PIK3R6: variants seen among roughly 807,000 people sequenced by gnomAD.
PIK3R6 encodes the protein phosphoinositide-3-kinase regulatory subunit 6.
PIK3R6 carries 91 observed loss-of-function variants against 84.9 expected under a neutral mutation model. The observed-to-expected ratio is 1.07, with a 90% confidence interval of 0.90 to 1.28. The LOEUF (loss-of-function observed/expected upper bound fraction) is 1.28, where lower values mean the gene tolerates loss of function less well. PIK3R6 is among the 50% of genes most tolerant of loss of function. The pLI is 0.00. For missense variants in PIK3R6, 996 were observed against 985.1 expected, an observed-to-expected ratio of 1.01 and a Z score of -0.15; for synonymous variants, 416 against 411.4, an observed-to-expected ratio of 1.01 and a Z score of -0.13.
chr17:8,864,317 C>T lies in PIK3R6; in HGVS notation c.-92+3212G>A, dbSNP rs549201719. On this transcript the variant is annotated intron_variant, in intron 1 of 19. Coordinates refer to ENST00000619866, the MANE Select transcript of PIK3R6 (RefSeq NM_001010855.4). ...GAGTCCATTTGGATTGGGCTCCTTGCGGCGCCCCTAGGACTTAGGGGAAAG... is the reference window on the plus strand; with the variant it reads ...GAGTCCATTTGGATTGGGCTCCTTGTGGCGCCCCTAGGACTTAGGGGAAAG... 5.3e-5 allele frequency among the ~76,000 whole-genome samples: 8 copies of T among 151,992 alleles called. No individual in the cohort carries two copies. In the East Asian group the frequency reaches 7.7e-4, roughly 15 times the overall value.
intron 18 of PIK3R6, among the ~76,000 whole-genome samples, chr17:8,805,193 G>A (rs572281229): frequency 7.9e-5 from 12 of 152,274 alleles, no homozygotes; most frequent in African/African-American, 2.6e-4. Context: ...CTCTAATCCC[G>A]GTTCTGCCAC....
At chr17:8,811,197 G>A (rs149745) in intron 18 of PIK3R6, among the ~76,000 whole-genome samples, 27,379 of 148,236 alleles carry the variant, frequency 0.18, 4,058 homozygotes, top group Middle Eastern at 0.23. Flanking sequence ...GCCATGGCCC[G>A]AGCTCTACAT....
intron 4 of PIK3R6, 94 bp downstream of exon 4, chr17:8,838,470 T>G (rs2088558148): frequency 9.6e-6 from 11 of 1,140,806 alleles, no homozygotes; most frequent in Non-Finnish European, 1.3e-5. Flanking sequence ...AACCAAAGCT[T>G]ATGAGATATA....
chr17:8,829,593 C>G (rs571561233), intron 10 of PIK3R6, 113 bp downstream of exon 10: 2 of 1,095,592 alleles, frequency 1.8e-6, no homozygotes, highest in Non-Finnish European at 1.3e-6. Flanking sequence ...CTGACACACA[C>G]TCATGCATAC....
chr17:8,854,093 G>A (rs908863492), intron 1 of PIK3R6, among the ~76,000 whole-genome samples: 5 of 152,066 alleles, frequency 3.3e-5, no homozygotes, highest in African/African-American at 1.2e-4. Flanking sequence ...GAAAGGCAGA[G>A]GAATTGGATT....
intron 8 of PIK3R6, among the ~76,000 whole-genome samples, chr17:8,834,001 A>G (rs2088359205): frequency 6.6e-6 from 1 of 151,562 alleles, no homozygotes; most frequent in Admixed American, 6.6e-5. Context: ...CTAAAAATAG[A>G]AAAAATTAGC....
chr17:8,812,385 G>A (rs2087385297), intron 18 of PIK3R6, among the ~76,000 whole-genome samples: 1 of 152,120 alleles, frequency 6.6e-6, no homozygotes, highest in African/African-American at 2.4e-5. Flanking sequence ...GACTTAAATT[G>A]GCCTCTAGAC....
Position 8,829,774 on chromosome 17 carries a change from C to G in PIK3R6, c.821G>C (p.Arg274Pro). 1 of 1,551,774 alleles carries G rather than the reference C, an allele frequency of 6.4e-7. No individual in the cohort carries two copies. Among genetic ancestry groups the G allele is most frequent in the Non-Finnish European group, 8.7e-7 (1 of 1,147,332 alleles). Residue 274 changes from arginine to proline, a missense_variant, in exon 10 of 20, where the codon CGG becomes CCG. Coordinates refer to ENST00000619866, the MANE Select transcript of PIK3R6 (RefSeq NM_001010855.4). Reference sequence around the variant, plus strand: ...GCTGGGCAGGGGAATGCTTGGTGGCCGCTCTTGGACAAGGTCACCTGCAGA... The same window carrying G: ...GCTGGGCAGGGGAATGCTTGGTGGCGGCTCTTGGACAAGGTCACCTGCAGA... ...GRCGGDLVQE[R>P]PPSIPLPSPY...
intron 5 of PIK3R6, among the ~76,000 whole-genome samples, chr17:8,837,350 G>A (rs1305386051): frequency 6.6e-6 from 1 of 151,844 alleles, no homozygotes; most frequent in Non-Finnish European, 1.5e-5. Flanking sequence ...TCTCCCTCCC[G>A]ACCTCAGTGT....
At chr17:8,810,127 G>A (rs1235505658) in intron 18 of PIK3R6, among the ~76,000 whole-genome samples, 1 of 149,900 alleles carries the variant, frequency 6.7e-6, no homozygotes, top group Non-Finnish European at 1.5e-5. Context: ...GTTCCACATG[G>A]CTGGGGAGGC....
At chr17:8,867,405 A>C (rs1182882074) in intron 1 of PIK3R6, 124 bp downstream of exon 1, 1 of 164,696 alleles carries the variant, frequency 6.1e-6, no homozygotes, top group Non-Finnish European at 1.4e-5. Flanking sequence ...GAGCCTGGAT[A>C]AATAAGAGCC....
At chr17:8,817,049 A>G (rs983231606) in intron 18 of PIK3R6, among the ~76,000 whole-genome samples, 2 of 152,246 alleles carry the variant, frequency 1.3e-5, no homozygotes, top group Non-Finnish European at 2.9e-5. Flanking sequence ...ATATGCAACC[A>G]TCATATAATA....
intron 13 of PIK3R6, among the ~76,000 whole-genome samples, chr17:8,823,737 G>A (rs2087822008): frequency 6.6e-6 from 1 of 152,196 alleles, no homozygotes; most frequent in South Asian, 2.1e-4. Context: ...AGACTACTGA[G>A]CGCTGCTATG....
intron 1 of PIK3R6, among the ~76,000 whole-genome samples, chr17:8,859,691 T>C (rs566582470): frequency 6.6e-6 from 1 of 152,324 alleles, no homozygotes; most frequent in East Asian, 1.9e-4. Context: ...GGGACATCCA[T>C]CCTGCCCTTG....
At chr17:8,854,556 A>G (rs912545099) in intron 1 of PIK3R6, among the ~76,000 whole-genome samples, 1 of 152,242 alleles carries the variant, frequency 6.6e-6, no homozygotes, top group Non-Finnish European at 1.5e-5. Context: ...AGATATGGCT[A>G]ATTGATTTTT....
chr17:8,849,670 C>A, intron 2 of PIK3R6, 112 bp downstream of exon 2: 2 of 1,243,978 alleles, frequency 1.6e-6, no homozygotes, highest in Admixed American at 3.2e-5. Flanking sequence ...GGTCTTGCAG[C>A]CTGTCTATGT....
chr17:8,850,768 C>A (rs1316721026), intron 1 of PIK3R6, among the ~76,000 whole-genome samples: 1 of 152,076 alleles, frequency 6.6e-6, no homozygotes, highest in East Asian at 1.9e-4. Flanking sequence ...AACGAAGAGA[C>A]AATATTAGAA....
intron 1 of PIK3R6, among the ~76,000 whole-genome samples, chr17:8,850,395 T>A (rs2088923280): frequency 6.6e-6 from 1 of 152,194 alleles, no homozygotes; most frequent in South Asian, 2.1e-4. Context: ...AAATGCCAAC[T>A]TTTTAATATT....
chr17:8,809,214 G>C lies in PIK3R6; in HGVS notation c.1996-5061C>G, dbSNP rs148322469. The stretch of plus-strand genomic sequence containing the variant: ...ATCCTGCTAAACTAAATTAATAAAT[G>C]AAAGAGAAATAAAGTATTTACCAGA... On this transcript the variant is annotated intron_variant, in intron 18 of 19. Transcript: ENST00000619866. Among the ~76,000 whole-genome samples the C allele has an allele frequency of 1.5e-3, 232 of 152,202 alleles. 6 individuals are homozygous for C. The East Asian group carries it at 0.017, about 11-fold the overall frequency.
Sources: allele counts gnomAD v4.1 joint callset (sites outside exome capture counted in the v4.1 genomes callset), GRCh38; gene constraint gnomAD v4.1.1; transcripts MANE v1.5; gene names NCBI Gene and HGNC (gene_info 2026-07-23, HGNC 2026-07-21).